Variants in CAST observed in about 807,000 individuals in gnomAD.
CAST encodes the protein MIR583 host.
CAST carries 76 observed loss-of-function variants against 119.6 expected under a neutral mutation model. The ratio of observed to expected loss-of-function variants is 0.64; its 90% CI spans 0.53 to 0.77. The LOEUF is 0.77. Ranked by LOEUF, CAST falls within the 30% of genes least tolerant of loss-of-function variation. The probability of loss-of-function intolerance (pLI) is 0.00; values close to 1 mark genes in which losing one functional copy is unlikely to be tolerated. For synonymous variants in CAST, 319 were observed against 331.6 expected, an observed-to-expected ratio of 0.96 and a Z score of 0.41; for missense variants, 953 against 946.5, an observed-to-expected ratio of 1.01 and a Z score of -0.09.
chr5:96,405,386 G>C, the CAST span, among the ~76,000 whole-genome samples: 1 of 152,084 alleles, frequency 6.6e-6, no homozygotes, highest in Non-Finnish European at 1.5e-5. Flanking sequence ...AGAGATTCAT[G>C]GACCCCTTGG....
chr5:96,272,144 T>C, the CAST span, among the ~76,000 whole-genome samples: 1 of 152,084 alleles, frequency 6.6e-6, no homozygotes, highest in Non-Finnish European at 1.5e-5. Context: ...AAGGGAGCCC[T>C]AGGACATTGT....
the CAST span, among the ~76,000 whole-genome samples, chr5:96,332,884 A>C: frequency 6.6e-6 from 1 of 151,972 alleles, no homozygotes; most frequent in Non-Finnish European, 1.5e-5. Flanking sequence ...TCCTCCACAC[A>C]AATTGGTCTC....
intron 1 of CAST, among the ~76,000 whole-genome samples, chr5:96,607,909 A>G (rs983785583): frequency 6.6e-6 from 1 of 152,236 alleles, no homozygotes; most frequent in African/African-American, 2.4e-5. Flanking sequence ...TGATCAAACC[A>G]GAGTAATTAT....
chr5:96,397,439 T>A, the CAST span: 1 of 1,613,112 alleles, frequency 6.2e-7, no homozygotes, highest in Non-Finnish European at 8.5e-7. Flanking sequence ...TGTATCCCGT[T>A]CTCTTTCAGC....
chr5:96,200,081 G>A, the CAST span, among the ~76,000 whole-genome samples: 2 of 152,068 alleles, frequency 1.3e-5, no homozygotes, highest in Non-Finnish European at 1.5e-5. Context: ...TGGGGGCATC[G>A]GCGCTGAACA....
intron 1 of CAST, among the ~76,000 whole-genome samples, chr5:96,607,839 T>C (rs1269656301): frequency 6.6e-6 from 1 of 152,192 alleles, no homozygotes; most frequent in African/African-American, 2.4e-5. Flanking sequence ...TTGTTTGTAA[T>C]TGACAAATAA....
chr5:96,720,168 C>A (rs1305383868), intron 3 of CAST, among the ~76,000 whole-genome samples: 1 of 152,164 alleles, frequency 6.6e-6, no homozygotes, highest in Non-Finnish European at 1.5e-5. Context: ...CTGGGGGAGC[C>A]AATGAACTCT....
chr5:96,768,394 T>C (rs1461938229), intron 29 of CAST: 1 of 456,446 alleles, frequency 2.2e-6, no homozygotes, highest in Non-Finnish European at 4.4e-6. Flanking sequence ...CTTACAATTT[T>C]TAAACTGTAG....
chr5:96,214,342 A>G, the CAST span, among the ~76,000 whole-genome samples: 1 of 152,212 alleles, frequency 6.6e-6, no homozygotes, highest in Non-Finnish European at 1.5e-5. Context: ...GCTAACAATA[A>G]TGGAGTAAGA....
chr5:96,707,669 C>G (rs1268119854), intron 3 of CAST, among the ~76,000 whole-genome samples: 1 of 152,134 alleles, frequency 6.6e-6, no homozygotes, highest in Non-Finnish European at 1.5e-5. Flanking sequence ...ACTAAACCAA[C>G]TGATGTTCAT....
At chr5:96,417,431 T>G in the CAST span, among the ~76,000 whole-genome samples, 6 of 152,200 alleles carry the variant, frequency 3.9e-5, no homozygotes, top group Non-Finnish European at 8.8e-5. Flanking sequence ...TTTTGTGATT[T>G]TTTTCAATCA....
chr5:96,294,200 G>A, the CAST span, among the ~76,000 whole-genome samples: 1 of 152,292 alleles, frequency 6.6e-6, no homozygotes, highest in East Asian at 1.9e-4. Context: ...CTATCTCTAT[G>A]CATTGACTTG....
chr5:96,665,839 A>G (rs1749268213), intron 1 of CAST, among the ~76,000 whole-genome samples: 1 of 152,182 alleles, frequency 6.6e-6, no homozygotes, highest in African/African-American at 2.4e-5. Flanking sequence ...ACATGCATGT[A>G]TAATACATAT....
chr5:96,156,075 A>T, the CAST span, among the ~76,000 whole-genome samples: 4 of 152,344 alleles, frequency 2.6e-5, no homozygotes, highest in Non-Finnish European at 5.9e-5. Flanking sequence ...TATCGTATTG[A>T]ACGTGGGAGC....
the CAST span, among the ~76,000 whole-genome samples, chr5:96,287,363 C>A: frequency 3.2e-3 from 483 of 152,088 alleles, 8 homozygotes; most frequent in East Asian, 4.6e-3. Context: ...GGCCTTTGAG[C>A]GGTATTTACA....
the CAST span, among the ~76,000 whole-genome samples, chr5:96,265,819 A>G: frequency 6.6e-6 from 1 of 152,134 alleles, no homozygotes; most frequent in Admixed American, 6.5e-5. Flanking sequence ...TTTGTTTGCC[A>G]TCTACAAATA....
chr5:96,352,951 G>A, the CAST span, among the ~76,000 whole-genome samples: 2 of 152,194 alleles, frequency 1.3e-5, no homozygotes, highest in East Asian at 1.9e-4. Context: ...GGCCTCTCTA[G>A]TCATGCAGAA....
intron 3 of CAST, among the ~76,000 whole-genome samples, chr5:96,711,864 T>C (rs894936734): frequency 1.3e-5 from 2 of 152,240 alleles, no homozygotes; most frequent in Non-Finnish European, 2.9e-5. Flanking sequence ...GAGAGTATTG[T>C]ACACTGATTG....
the CAST span, among the ~76,000 whole-genome samples, chr5:96,003,179 G>T: frequency 6.6e-6 from 1 of 152,060 alleles, no homozygotes; most frequent in African/African-American, 2.4e-5. Context: ...ATTCAAGGCT[G>T]CAGTGAGCCA....
Sources: allele counts gnomAD v4.1 joint callset (sites outside exome capture counted in the v4.1 genomes callset), GRCh38; gene constraint gnomAD v4.1.1; transcripts MANE v1.5; gene names NCBI Gene and HGNC (gene_info 2026-07-23, HGNC 2026-07-21).